The following ABI3BP variants were observed in gnomAD, a reference collection of about 807,000 sequenced individuals.
ABI3BP encodes the protein ABI family member 3 binding protein.
A neutral mutation model predicts 268.6 loss-of-function variants in ABI3BP; 216 were observed. That is an observed-to-expected ratio of 0.80 (90% confidence interval 0.72 to 0.90). The LOEUF is 0.90. Among genes scored for constraint, ABI3BP ranks in the 40% least tolerant of loss-of-function variants. The probability of loss-of-function intolerance (pLI) is 0.00; values close to 1 mark genes in which losing one functional copy is unlikely to be tolerated. For synonymous variants in ABI3BP, 730 were observed against 730.0 expected (o/e 1.00, Z 0.00); for missense variants, 2,090 against 2,182.4 (o/e 0.96, Z 0.84).
intron 15 of ABI3BP, 26 bp from the exon 16 acceptor site, chr3:100,850,760 T>C: frequency 6.4e-7 from 1 of 1,563,384 alleles, no homozygotes; most frequent in Non-Finnish European, 8.8e-7. Flanking sequence ...TCAACATTTG[T>C]AAAAGCAGTA....
intron 1 of ABI3BP, among the ~76,000 whole-genome samples, chr3:100,962,559 G>A (rs921408873): frequency 6.6e-6 from 1 of 152,020 alleles, no homozygotes; most frequent in Non-Finnish European, 1.5e-5. Context: ...AGTCCACTAT[G>A]AAATAGCTTC....
chr3:100,930,805 A>C (rs192759348), intron 1 of ABI3BP: 1 of 152,082 alleles, frequency 6.6e-6, no homozygotes, highest in East Asian at 1.9e-4. Context: ...ATTCCCCAAA[A>C]AATTGAGGAG....
At position 100,752,837 on chromosome 3, in the gene ABI3BP, T is replaced by G; in HGVS notation, c.5072A>C (p.Gln1691Pro). The G allele has an allele frequency of 6.2e-7, 1 of 1,613,592 alleles. No individual in the cohort carries two copies. Among genetic ancestry groups the G allele is most frequent in the Non-Finnish European group, 8.5e-7 (1 of 1,179,716 alleles). ...RTWYKKFVGV[Q>P]LCNSLRYKIY... ...CTTGTATCTGAGAGAGTTGCACAGC[T>G]GCACTCCTACAAATTTTTTATACCA... Residue 1691 changes from glutamine to proline, a missense_variant, in exon 66 of 68, where the codon CAG (glutamine) becomes CCG (proline). Gln to Pro is a moderately conservative substitution (Grantham distance 76). Transcript: ENST00000471714.
intron 52 of ABI3BP, 82 bp from the exon 53 acceptor site, chr3:100,795,933 T>C (rs2097333063): frequency 9.2e-6 from 9 of 973,066 alleles, no homozygotes; most frequent in Non-Finnish European, 1.2e-5. Context: ...ATTTTTTAGA[T>C]GCATTGATTT....
rs953097545 is a variant in ABI3BP at position 100,954,974 on chromosome 3, T to C, written c.80-28493A>G. The stretch of plus-strand genomic sequence containing the variant: ...CATCCCTTTAATGTTTTAAATTTTG[T>C]CTTTTTTTTTTTTTTTTTTTTTTTT... On this transcript the variant is annotated intron_variant, in intron 1 of 67. Transcript: ENST00000471714. Among the ~76,000 whole-genome samples, 5 of 125,640 alleles carry C rather than the reference T, an allele frequency of 4.0e-5. No homozygotes were observed. In the Admixed American group the frequency reaches 4.8e-4, roughly 12 times the overall value. The allele number at this position is 125,640 out of a possible 152,430, so 82.4% of individuals were successfully genotyped here. A position where few individuals can be genotyped will look rare whatever the true frequency, so the allele number is the denominator to read the frequency against.
At position 100,917,389 on chromosome 3, in the gene ABI3BP, T is replaced by C. The variant is rs1036054810; in HGVS notation, c.259+8913A>G. On this transcript the variant is annotated intron_variant, in intron 2 of 67. Transcript: ENST00000471714. ...GGAATGTAAAATATTTAAAGGAAAA[T>C]AATATATGGATAATCAGGAAAGTTG... Among the ~76,000 whole-genome samples, 39 of 152,122 alleles carry C rather than the reference T, an allele frequency of 2.6e-4. 1 individual carries two copies. The highest frequency in any genetic ancestry group is 8.9e-4 in the African/African-American group (37 of 41,464).
chr3:100,789,308 C>T (rs2097134582), intron 56 of ABI3BP, 146 bp downstream of exon 56: 6 of 664,540 alleles, frequency 9.0e-6, no homozygotes, highest in Non-Finnish European at 1.2e-5. Flanking sequence ...TTCATCAATA[C>T]CTTTCCACTT....
chr3:100,800,758 C>T (rs904843149), intron 51 of ABI3BP, among the ~76,000 whole-genome samples: 1 of 152,152 alleles, frequency 6.6e-6, no homozygotes, highest in East Asian at 1.9e-4. Context: ...GGATTACAGG[C>T]GTGAGCCACC....
chr3:100,891,693 A>C (rs931954499), intron 4 of ABI3BP, among the ~76,000 whole-genome samples: 13 of 152,244 alleles, frequency 8.5e-5, no homozygotes, highest in African/African-American at 3.1e-4. Flanking sequence ...GTTGCAAAGA[A>C]GCTTCAAGAG....
chr3:100,789,516 G>T lies in ABI3BP; in HGVS notation c.4025C>A (p.Ala1342Glu), dbSNP rs374566927. The T allele has an allele frequency of 6.9e-6, 11 of 1,590,164 alleles. No individual in the cohort carries two copies. The highest frequency in any genetic ancestry group is 1.7e-4 in the Middle Eastern group (1 of 6,018). ...RTTELAKTTQ[A>E]PHRFYTTVRP... ...CACAGTAGTATAAAATCTGTGTGGC[G>T]CTGAAACAGAGGAACACTTTATATT... is the stretch of plus-strand genomic sequence containing the variant. Residue 1342 changes from alanine (A) to glutamate (E), a missense_variant and splice_region_variant, in exon 56 of 68, where the codon GCG becomes GAG. Physicochemically the swap from Ala to Glu is moderately radical, Grantham distance 107 (BLOSUM62 -1). Coordinates refer to ENST00000471714, the MANE Select transcript of ABI3BP (RefSeq NM_001375547.2).
Position 100,946,192 on chromosome 3 carries a change from G to GA in ABI3BP, c.80-19712dup, listed in dbSNP as rs200608309. On this transcript the variant is annotated intron_variant, in intron 1 of 67. Transcript: ENST00000471714. ...TCGAGACCAGCCTGGGCAACATGGT[G>GA]AAACCCTGTCTCTACTAAAAATGCA... Among the ~76,000 whole-genome samples, 1,348 of 151,642 alleles carry GA rather than the reference G, an allele frequency of 8.9e-3. 17 individuals are homozygous for GA. The highest frequency in any genetic ancestry group is 0.03 in the African/African-American group (1,257 of 41,312).
intron 63 of ABI3BP, among the ~76,000 whole-genome samples, chr3:100,763,437 T>G (rs2096085356): frequency 6.7e-6 from 1 of 148,286 alleles, no homozygotes; most frequent in South Asian, 2.1e-4. Context: ...TGCTCCAGCC[T>G]GGGTGACAAG....
chr3:100,962,058 G>A (rs533432175), intron 1 of ABI3BP, among the ~76,000 whole-genome samples: 1 of 152,296 alleles, frequency 6.6e-6, no homozygotes, highest in Non-Finnish European at 1.5e-5. Flanking sequence ...GATGGTATAA[G>A]TATAAATTCA....
chr3:100,786,553 T>A (rs1302527788), intron 57 of ABI3BP, among the ~76,000 whole-genome samples: 2 of 152,184 alleles, frequency 1.3e-5, no homozygotes, highest in Admixed American at 1.3e-4. Context: ...ACTTTACTTG[T>A]TCTTTCATTT....
At chr3:100,800,918 T>C (rs2097518073) in intron 51 of ABI3BP, among the ~76,000 whole-genome samples, 1 of 152,234 alleles carries the variant, frequency 6.6e-6, no homozygotes, top group African/African-American at 2.4e-5. Flanking sequence ...TACTTTTCTG[T>C]TATTTCATTT....
chr3:100,762,323 T>C (rs2096014281), intron 63 of ABI3BP, among the ~76,000 whole-genome samples: 1 of 152,224 alleles, frequency 6.6e-6, no homozygotes, highest in Non-Finnish European at 1.5e-5. Flanking sequence ...GTAGCCTTGC[T>C]ATCAGTAGTA....
At chr3:100,923,638 C>A (rs2060940060) in intron 2 of ABI3BP, among the ~76,000 whole-genome samples, 1 of 152,094 alleles carries the variant, frequency 6.6e-6, no homozygotes, top group Non-Finnish European at 1.5e-5. Flanking sequence ...ATTTACCCTG[C>A]CTTTCTTATT....
At chr3:100,780,643 G>A (rs929543432) in intron 57 of ABI3BP, among the ~76,000 whole-genome samples, 3 of 151,986 alleles carry the variant, frequency 2.0e-5, no homozygotes, top group Non-Finnish European at 4.4e-5. Flanking sequence ...GAATTCCAAT[G>A]TGTTTGGGTT....
chr3:100,769,474 A>G (rs2096469530), intron 62 of ABI3BP, among the ~76,000 whole-genome samples: 1 of 152,238 alleles, frequency 6.6e-6, no homozygotes, highest in Admixed American at 6.5e-5. Context: ...TACATCGGAT[A>G]TTATGAATAT....
Sources: allele counts gnomAD v4.1 joint callset (sites outside exome capture counted in the v4.1 genomes callset), GRCh38; gene constraint gnomAD v4.1.1; transcripts MANE v1.5; gene names NCBI Gene and HGNC (gene_info 2026-07-23, HGNC 2026-07-21).